FXYD1: variants seen among roughly 807,000 people sequenced by gnomAD.
FXYD1 encodes the protein phospholemman.
FXYD1 carries 9 observed loss-of-function variants against 17.2 expected under a neutral mutation model. That is an observed-to-expected ratio of 0.52 (90% CI 0.32 to 0.91). The LOEUF (loss-of-function observed/expected upper bound fraction) is 0.91, where lower values mean the gene tolerates loss of function less well. Ranked by LOEUF, FXYD1 falls within the 40% of genes least tolerant of loss-of-function variation. The pLI is 0.04. For missense variants in FXYD1, 113 were observed against 120.6 expected (o/e 0.94, Z 0.29); for synonymous variants, 55 against 45.8 (o/e 1.20, Z -0.81).
chr19:35,139,894 T>C (rs2065235348), intron 1 of FXYD1, 182 bp from the exon 2 acceptor site: 1 of 588,030 alleles, frequency 1.7e-6, no homozygotes, highest in East Asian at 2.9e-5. Flanking sequence ...GGAGGTTGTT[T>C]TGGTGACACT....
rs1226311949 is a variant in FXYD1, at chr19:35,142,720, G to C, written c.257G>C (p.Arg86Pro). Residue 86 changes from arginine to proline, a missense_variant and splice_region_variant, in exon 7 of 8, where the codon CGT (arginine) becomes CCT (proline). By Grantham distance (103) the Arg-to-Pro change is moderately radical. Coordinates refer to ENST00000351325, the MANE Select transcript of FXYD1 (RefSeq NM_021902.4). ...CCCCCGATCTCCGTGTTCCCCCCAG[G>C]TCTGTCCACCCGCAGGCGGTAGAAA... is the stretch of plus-strand genomic sequence containing the variant. ...EEGTFRSSIR[R>P]LSTRRR 1 of 1,613,738 alleles carries C rather than the reference G, an allele frequency of 6.2e-7. No homozygotes were observed. Among genetic ancestry groups the C allele is most frequent in the Non-Finnish European group, 8.5e-7 (1 of 1,179,856 alleles).
intron 3 of FXYD1, 169 bp downstream of exon 3, chr19:35,140,798 T>C (rs2065244421): frequency 4.8e-6 from 3 of 621,286 alleles, no homozygotes; most frequent in East Asian, 2.8e-5. Context: ...TTCCTGTCTG[T>C]GTCTATCTGT....
chr19:35,139,747 C>T (rs1354974384), intron 1 of FXYD1: 7 of 309,436 alleles, frequency 2.3e-5, no homozygotes, highest in Admixed American at 4.2e-5. Context: ...TGTGAGGCAG[C>T]GCCTCCTCTG....
At position 35,143,068 on chromosome 19, in the gene FXYD1, C is replaced by T. The variant is rs2065272520; in HGVS notation, c.*181C>T. ...CCTCTCGACAGCACTTTGTCGGTCT[C>T]GGTCCCTCAGCGCGAAACGCCAGCG... is the stretch of plus-strand genomic sequence containing the variant. On this transcript the variant is annotated 3_prime_UTR_variant, in exon 8 of 8. Coordinates refer to ENST00000351325, the MANE Select transcript of FXYD1 (RefSeq NM_021902.4). This position sits in a 1 kb window ranked among gnomAD's most constrained non-coding sequence, Gnocchi z 4.3. 3 of 547,914 alleles carry T rather than the reference C, an allele frequency of 5.5e-6. No individual in the cohort carries two copies. The South Asian group carries it at 6.5e-5, about 12-fold the overall frequency. The allele number at this position is 547,914 out of a possible 1,614,324, so 33.9% of individuals were successfully genotyped here.
Position 35,142,757 on chromosome 19 carries a change from A to T in FXYD1, c.*15A>T. 6.2e-7 allele frequency: 1 copy of T among 1,612,596 alleles called. No homozygotes were observed. The highest frequency in any genetic ancestry group is 8.5e-7 in the Non-Finnish European group (1 of 1,179,130). On this transcript the variant is annotated 3_prime_UTR_variant, in exon 7 of 8. Transcript: ENST00000351325. The stretch of plus-strand genomic sequence containing the variant: ...GCAGGCGGTAGAAACACCTGGAGCG[A>T]TGGAATCCGGCCAGGTGCTGCAGCT...
chr19:35,141,901 C>G lies in FXYD1; in HGVS notation c.206+329C>G, dbSNP rs368833804. Among the ~76,000 whole-genome samples the G allele has an allele frequency of 3.3e-4, 51 of 152,358 alleles. 1 individual carries two copies. Among genetic ancestry groups the G allele is most frequent in the African/African-American group, 1.2e-3 (48 of 41,582 alleles). On this transcript the variant is annotated intron_variant, in intron 5 of 7. Transcript: ENST00000351325. ...TCATCTCACACGCGGCCCAGTTTAG[C>G]TTAGAGTCTTGTTCCTAGCTCTTTG...
chr19:35,140,013 G>C, intron 1 of FXYD1, 63 bp from the exon 2 acceptor site: 1 of 1,416,964 alleles, frequency 7.1e-7, no homozygotes, highest in Non-Finnish European at 1.0e-6. Flanking sequence ...TTAATCCCTT[G>C]GGTTCAAGCC....
Position 35,142,735 on chromosome 19 carries a change from G to A in FXYD1, c.272G>A (p.Arg91Lys). The A allele has an allele frequency of 1.2e-6, 2 of 1,613,774 alleles. No homozygotes were observed. The highest frequency in any genetic ancestry group is 1.3e-5 in the African/African-American group (1 of 75,036). The change falls in exon 7 of 8, where the codon AGG becomes AAG. Residue 91 changes from arginine to lysine, a missense_variant. Arg to Lys is a conservative substitution (Grantham distance 26). Transcript: ENST00000351325. ...TTCCCCCCAGGTCTGTCCACCCGCA[G>A]GCGGTAGAAACACCTGGAGCGATGG... The part of the protein sequence containing the change: ...RSSIRRLSTR[R>K]R
In FXYD1 at chr19:35,140,817, CTATGTGA is replaced by C. The variant is rs1421909915; in HGVS notation, c.94+191_94+197del. On this transcript the variant is annotated intron_variant, in intron 3 of 7. Coordinates refer to ENST00000351325, the MANE Select transcript of FXYD1 (RefSeq NM_021902.4). The stretch of plus-strand genomic sequence containing the variant: ...TGTCTGTGTCTATCTGTGTCACTGT[CTATGTGA>C]TACCTCTCTGGTTCTCTTTCTCTTG... 1.6e-5 allele frequency: 10 copies of C among 607,166 alleles called. No individual in the cohort carries two copies. In the African/African-American group the frequency reaches 1.9e-4, roughly 11 times the overall value. 37.6% of individuals were successfully genotyped at this position (607,166 alleles called of 1,614,324 possible). A position where few individuals can be genotyped will look rare whatever the true frequency, so the allele number is the denominator to read the frequency against.
chr19:35,141,051 T>C, intron 3 of FXYD1, 81 bp from the exon 4 acceptor site: 1 of 830,764 alleles, frequency 1.2e-6, no homozygotes, highest in Non-Finnish European at 2.1e-6. Flanking sequence ...TTTCTCCCTG[T>C]TCCCTCCTTC....
intron 5 of FXYD1, 86 bp from the exon 6 acceptor site, chr19:35,142,386 G>A (rs766931929): frequency 5.8e-6 from 6 of 1,040,234 alleles, no homozygotes; most frequent in Non-Finnish European, 8.6e-6. Flanking sequence ...CACCAATCTG[G>A]GAAAGGAGGC....
At chr19:35,141,727 C>T (rs2065258720) in intron 5 of FXYD1, among the ~76,000 whole-genome samples, 155 bp downstream of exon 5, 2 of 152,174 alleles carry the variant, frequency 1.3e-5, no homozygotes, top group Non-Finnish European at 2.9e-5. Context: ...GCCCTGGGAC[C>T]AAGCGAGGAA....
chr19:35,139,730 GTGTT>G, intron 1 of FXYD1: 1 of 290,676 alleles, frequency 3.4e-6, no homozygotes, highest in South Asian at 3.9e-5. Context: ...CTCCTGCTCT[GTGTT>G]TGTGTGAGGC....
At chr19:35,142,295 C>A (rs556353257) in intron 5 of FXYD1, 177 bp from the exon 6 acceptor site, 2 of 579,382 alleles carry the variant, frequency 3.5e-6, no homozygotes, top group Admixed American at 6.6e-5. Context: ...AAGCCCCCTG[C>A]CAGCACATAA....
chr19:35,141,456 G>A (rs961974068), intron 4 of FXYD1, 80 bp from the exon 5 acceptor site: 11 of 1,183,058 alleles, frequency 9.3e-6, no homozygotes, highest in Admixed American at 2.0e-5. Flanking sequence ...CGCCCCTCGC[G>A]AGGGCGAGCT....
At chr19:35,141,689 A>C (rs893942442) in intron 5 of FXYD1, 117 bp downstream of exon 5, 2 of 812,610 alleles carry the variant, frequency 2.5e-6, no homozygotes, top group African/African-American at 1.8e-5. Context: ...TGTATTAAGC[A>C]CCTACTATGT....
At chr19:35,139,837 T>A in intron 1 of FXYD1, 1 of 472,280 alleles carries the variant, frequency 2.1e-6, no homozygotes, top group Non-Finnish European at 3.9e-6. Context: ...GGACTGTGTG[T>A]CTCACCCCCG....
intron 4 of FXYD1, 135 bp from the exon 5 acceptor site, chr19:35,141,401 C>T (rs1044954372): frequency 1.3e-6 from 1 of 746,344 alleles, no homozygotes; most frequent in African/African-American, 1.8e-5. Flanking sequence ...CCTTGGTTCC[C>T]CGGCCCCCGG....
At chr19:35,142,668 G>A in intron 6 of FXYD1, 52 bp from the exon 7 acceptor site, 3 of 1,602,506 alleles carry the variant, frequency 1.9e-6, no homozygotes, top group Non-Finnish European at 2.6e-6. Flanking sequence ...CACCTGCCCA[G>A]GAGCTGGGGA....
Sources: allele counts gnomAD v4.1 joint callset (sites outside exome capture counted in the v4.1 genomes callset), GRCh38; gene constraint gnomAD v4.1.1; non-coding constraint Gnocchi (gnomAD v3.1); transcripts MANE v1.5; gene names NCBI Gene and HGNC (gene_info 2026-07-23, HGNC 2026-07-21).